The following TMEM132C variants were observed in gnomAD, a reference collection of about 807,000 sequenced individuals.
The protein encoded by TMEM132C is protein phosphatase 1, regulatory subunit 152.
In TMEM132C, 29 loss-of-function variants were observed where a neutral mutation model predicts 61.4. That is an observed-to-expected ratio of 0.47 (90% CI 0.35 to 0.64). The LOEUF (loss-of-function observed/expected upper bound fraction) is 0.64. TMEM132C is among the 30% of genes least tolerant of loss of function. TMEM132C has a pLI of 0.00. For synonymous variants in TMEM132C, 656 were observed against 633.1 expected (o/e 1.04, Z -0.54); for missense variants, 1,408 against 1,476.9 (o/e 0.95, Z 0.76).
chr12:128,350,440 C>T (rs1040379415), intron 1 of TMEM132C, among the ~76,000 whole-genome samples: 1 of 152,166 alleles, frequency 6.6e-6, no homozygotes, highest in Non-Finnish European at 1.5e-5. Flanking sequence ...TCCCTGGAAC[C>T]TCACAGAGAC....
At chr12:128,651,770 T>C (rs1954273080) in intron 4 of TMEM132C, among the ~76,000 whole-genome samples, 1 of 152,092 alleles carries the variant, frequency 6.6e-6, no homozygotes. Context: ...GCAACAGCAC[T>C]CCAGGCAGAA....
chr12:128,393,849 T>C (rs1216236883), intron 1 of TMEM132C, among the ~76,000 whole-genome samples: 1 of 152,230 alleles, frequency 6.6e-6, no homozygotes, highest in Non-Finnish European at 1.5e-5. Context: ...TCAGCCGTGC[T>C]CCTTTTAAGG....
chr12:128,561,063 C>G (rs964013906), intron 3 of TMEM132C, among the ~76,000 whole-genome samples: 1 of 152,222 alleles, frequency 6.6e-6, no homozygotes, highest in Non-Finnish European at 1.5e-5. Context: ...CTGTCATGCC[C>G]CATGGCTTCT....
At chr12:128,484,305 C>T (rs1871413365) in intron 2 of TMEM132C, among the ~76,000 whole-genome samples, 1 of 152,098 alleles carries the variant, frequency 6.6e-6, no homozygotes, top group African/African-American at 2.4e-5. Flanking sequence ...TGGAATGGAG[C>T]AGAATGAAAC....
chr12:128,450,740 C>CAGAA (rs1870151145), intron 2 of TMEM132C, among the ~76,000 whole-genome samples: 1 of 152,138 alleles, frequency 6.6e-6, no homozygotes, highest in Admixed American at 6.5e-5. Flanking sequence ...AGTTGGTTCT[C>CAGAA]AAATATAGCA....
At chr12:128,638,829 G>A (rs1954122176) in intron 4 of TMEM132C, among the ~76,000 whole-genome samples, 1 of 151,778 alleles carries the variant, frequency 6.6e-6, no homozygotes, top group Non-Finnish European at 1.5e-5. Context: ...TGGTAATGAT[G>A]GTAGTGATGA....
chr12:128,273,218 A>G (rs1870578339), intron 1 of TMEM132C, among the ~76,000 whole-genome samples: 1 of 152,080 alleles, frequency 6.6e-6, no homozygotes, highest in Admixed American at 6.6e-5. Context: ...CTTTCGTTTC[A>G]TGTATTTTGA....
intron 2 of TMEM132C, among the ~76,000 whole-genome samples, chr12:128,511,651 C>G (rs1424042308): frequency 6.6e-6 from 1 of 152,222 alleles, no homozygotes; most frequent in Non-Finnish European, 1.5e-5. Context: ...AGATGCTCAC[C>G]TGAACCTTGG....
At chr12:128,389,097 G>T (rs1318053683) in intron 1 of TMEM132C, among the ~76,000 whole-genome samples, 3 of 152,134 alleles carry the variant, frequency 2.0e-5, no homozygotes, top group African/African-American at 7.2e-5. Flanking sequence ...GTACCCAGGG[G>T]GTTGGCAGCC....
chr12:128,646,569 T>C (rs1473407955), intron 4 of TMEM132C, among the ~76,000 whole-genome samples: 9 of 152,040 alleles, frequency 5.9e-5, no homozygotes, highest in African/African-American at 2.2e-4. Flanking sequence ...GATATGAGTG[T>C]GTTTACTGGA....
At chr12:128,645,665 G>A (rs74843566) in intron 4 of TMEM132C, among the ~76,000 whole-genome samples, 5,511 of 152,322 alleles carry the variant, frequency 0.036, 332 homozygotes, top group African/African-American at 0.12. Flanking sequence ...CTCTCTACCT[G>A]TGGTTCCTTT....
In TMEM132C at chr12:128,311,785, C is replaced by T. The variant is rs551353793; in HGVS notation, c.85+44298C>T. ...AACCTTTTTATCAAGCGCAGGCCAG[C>T]GAGGCCCCACCTCTTCCCCACGTCC... is the stretch of plus-strand genomic sequence containing the variant. On this transcript the variant is annotated intron_variant, in intron 1 of 8. Coordinates refer to ENST00000435159, the MANE Select transcript of TMEM132C (RefSeq NM_001136103.3). 3.3e-5 allele frequency among the ~76,000 whole-genome samples: 5 copies of T among 152,358 alleles called. No individual in the cohort carries two copies. The South Asian group carries it at 6.2e-4, about 19-fold the overall frequency.
intron 2 of TMEM132C, among the ~76,000 whole-genome samples, chr12:128,537,385 A>AGTG (rs1555230622): frequency 1.3e-5 from 2 of 152,152 alleles, no homozygotes; most frequent in Non-Finnish European, 2.9e-5. Context: ...TTAGGGAAGG[A>AGTG]GGGGGGATAA....
intron 2 of TMEM132C, among the ~76,000 whole-genome samples, chr12:128,440,976 G>A (rs370179584): frequency 6.4e-4 from 97 of 152,302 alleles, no homozygotes; most frequent in African/African-American, 2.3e-3. Flanking sequence ...GGGAGACAGA[G>A]GTTGCAGTGA....
At chr12:128,474,412 A>G (rs953468659) in intron 2 of TMEM132C, among the ~76,000 whole-genome samples, 17 of 152,266 alleles carry the variant, frequency 1.1e-4, no homozygotes, top group African/African-American at 2.6e-4. Context: ...TGCCTTTAGC[A>G]CACACTGTGA....
rs886355864 is a variant in TMEM132C at position 128,684,026 on chromosome 12, T to C, written c.1450-9803T>C. ...AATAAATAAATGTTGGTGCCTCTTA[T>C]TGAATCTTTTCCTGGAACCGTCTTC... is the stretch of plus-strand genomic sequence containing the variant. On this transcript the variant is annotated intron_variant, in intron 5 of 8. Coordinates refer to ENST00000435159, the MANE Select transcript of TMEM132C (RefSeq NM_001136103.3). Among the ~76,000 whole-genome samples, 14 of 151,650 alleles carry C rather than the reference T, an allele frequency of 9.2e-5. No homozygotes were observed. In the East Asian group the frequency reaches 2.7e-3, roughly 29 times the overall value.
At chr12:128,538,384 A>G (rs1406521154) in intron 2 of TMEM132C, among the ~76,000 whole-genome samples, 2 of 152,152 alleles carry the variant, frequency 1.3e-5, no homozygotes, top group African/African-American at 4.8e-5. Flanking sequence ...TTGGCCTCCC[A>G]GAGTGCTGGG....
chr12:128,403,721 AAC>A (rs1491385853), intron 1 of TMEM132C, among the ~76,000 whole-genome samples: 1 of 75,996 alleles, frequency 1.3e-5, no homozygotes, highest in South Asian at 7.5e-4. Flanking sequence ...AACAAAACAA[AAC>A]AAAATCCTCA....
At position 128,687,725 on chromosome 12, in the gene TMEM132C, A is replaced by G. The variant is rs529460734; in HGVS notation, c.1450-6104A>G. 8.9e-4 allele frequency among the ~76,000 whole-genome samples: 135 copies of G among 152,350 alleles called. 1 individual carries two copies. Among genetic ancestry groups the G allele is most frequent in the African/African-American group, 3.0e-3 (126 of 41,590 alleles). On this transcript the variant is annotated intron_variant, in intron 5 of 8. Coordinates refer to ENST00000435159, the MANE Select transcript of TMEM132C (RefSeq NM_001136103.3). ...TTGTACATCATTTAAGGATTTTTCC[A>G]GAGCTGAAAAGGAGATATTATTTAA... is the stretch of plus-strand genomic sequence containing the variant.
Sources: gnomAD v4.1 joint callset for allele counts (sites outside exome capture counted in the v4.1 genomes callset) on GRCh38, gnomAD v4.1.1 for gene constraint, MANE v1.5 for transcripts, NCBI Gene and HGNC (gene_info 2026-07-23, HGNC 2026-07-21) for gene names.